Variants in NAA11 observed in about 807,000 individuals in gnomAD.
The protein encoded by NAA11 is N-alpha-acetyltransferase 11.
NAA11 carries 15 observed loss-of-function variants against 16.1 expected under a neutral mutation model. That is an observed-to-expected ratio of 0.93 (90% CI 0.62 to 1.44). The LOEUF is 1.44. NAA11 is among the 40% of genes most tolerant of loss of function. The probability of loss-of-function intolerance (pLI) is 0.00; values close to 1 mark genes in which losing one functional copy is unlikely to be tolerated. For synonymous variants in NAA11, 122 were observed against 112.4 expected, an observed-to-expected ratio of 1.09 and a Z score of -0.54; for missense variants, 298 against 291.3, an observed-to-expected ratio of 1.02 and a Z score of -0.17.
chr4:79,275,142 G>A (rs1424773567), intron 2 of NAA11, among the ~76,000 whole-genome samples: 4 of 146,432 alleles, frequency 2.7e-5, no homozygotes, highest in African/African-American at 1.0e-4. Flanking sequence ...TCTACACAAG[G>A]AGAATACTTA....
chr4:79,265,465 A>T (rs946812989), intron 2 of NAA11, among the ~76,000 whole-genome samples: 2 of 152,126 alleles, frequency 1.3e-5, no homozygotes, highest in East Asian at 3.9e-4. Flanking sequence ...CCCTGGCTCA[A>T]CCTGATCTGG....
chr4:79,187,452 G>A, the NAA11 span, among the ~76,000 whole-genome samples: 4 of 152,124 alleles, frequency 2.6e-5, no homozygotes, highest in African/African-American at 7.2e-5. Context: ...AATTTTACAT[G>A]GAGAAAAGTA....
chr4:79,202,623 TTATATATA>T, the NAA11 span, among the ~76,000 whole-genome samples: 99 of 52,634 alleles, frequency 1.9e-3, 4 homozygotes, highest in East Asian at 0.051. Flanking sequence ...ATATATAGTT[TTATATATA>T]TATATATATA....
intron 2 of NAA11, among the ~76,000 whole-genome samples, chr4:79,286,049 CCTTTGTCCT>C (rs1418363803): frequency 1.1e-4 from 16 of 152,022 alleles, no homozygotes; most frequent in Non-Finnish European, 1.8e-4. Context: ...CAGACATTAA[CCTTTGTCCT>C]CTTTCTATTC....
At chr4:79,211,861 T>C in the NAA11 span, 3 of 152,222 alleles carry the variant, frequency 2.0e-5, no homozygotes, top group African/African-American at 4.8e-5. Flanking sequence ...CATCTTCTTA[T>C]CACCATTTGG....
chr4:79,305,866 A>C (rs1371155903), intron 1 of NAA11, among the ~76,000 whole-genome samples: 2 of 152,120 alleles, frequency 1.3e-5, no homozygotes, highest in Non-Finnish European at 2.9e-5. Flanking sequence ...TAATTTGTAC[A>C]TTTCTCTTAT....
At chr4:79,179,703 A>G in the NAA11 span, among the ~76,000 whole-genome samples, 3 of 152,212 alleles carry the variant, frequency 2.0e-5, no homozygotes, top group African/African-American at 7.2e-5. Flanking sequence ...CTAGGCAGAA[A>G]CCCAATACAA....
intron 2 of NAA11, among the ~76,000 whole-genome samples, chr4:79,292,698 C>T (rs561625634): frequency 4.5e-4 from 69 of 152,306 alleles, no homozygotes; most frequent in African/African-American, 1.6e-3. Context: ...TTGACAAAAT[C>T]TGCTTCTCTG....
chr4:79,309,278 T>G (rs970253739), intron 1 of NAA11, among the ~76,000 whole-genome samples: 15 of 150,512 alleles, frequency 1.0e-4, no homozygotes, highest in African/African-American at 3.4e-4. Flanking sequence ...AGAATTTGCT[T>G]TGCACATGGA....
At chr4:79,206,431 C>G in the NAA11 span, among the ~76,000 whole-genome samples, 2 of 152,070 alleles carry the variant, frequency 1.3e-5, no homozygotes, top group Admixed American at 6.6e-5. Flanking sequence ...AAAATTTATT[C>G]AAAGACCTGT....
At chr4:79,195,228 G>C in the NAA11 span, among the ~76,000 whole-genome samples, 3 of 151,980 alleles carry the variant, frequency 2.0e-5, no homozygotes, top group African/African-American at 7.2e-5. Flanking sequence ...CTACAGAATT[G>C]GAATCTTGAG....
intron 2 of NAA11, among the ~76,000 whole-genome samples, chr4:79,276,424 C>T (rs1722646269): frequency 1.3e-5 from 2 of 152,126 alleles, no homozygotes; most frequent in African/African-American, 2.4e-5. Context: ...TGCTATATCC[C>T]GAAGTTCGCC....
At chr4:79,162,121 A>G in the NAA11 span, among the ~76,000 whole-genome samples, 6 of 152,052 alleles carry the variant, frequency 3.9e-5, no homozygotes, top group Non-Finnish European at 8.8e-5. Flanking sequence ...TTTTATTTTT[A>G]CAATGTTTAT....
At chr4:79,174,040 T>C in the NAA11 span, among the ~76,000 whole-genome samples, 1 of 152,114 alleles carries the variant, frequency 6.6e-6, no homozygotes, top group Admixed American at 6.6e-5. Context: ...TTCACTGACC[T>C]GTCAGTTCAG....
chr4:79,158,037 A>G, the NAA11 span, among the ~76,000 whole-genome samples: 1 of 151,220 alleles, frequency 6.6e-6, no homozygotes, highest in Non-Finnish European at 1.5e-5. Flanking sequence ...AGTAGCTGGG[A>G]CTACAGGTGC....
chr4:79,189,902 G>T, the NAA11 span, among the ~76,000 whole-genome samples: 1 of 152,174 alleles, frequency 6.6e-6, no homozygotes, highest in Non-Finnish European at 1.5e-5. Flanking sequence ...TGAGCTAGGA[G>T]TCTTGATGAG....
chr4:79,176,443 C>A, the NAA11 span, among the ~76,000 whole-genome samples: 1 of 152,070 alleles, frequency 6.6e-6, no homozygotes, highest in African/African-American at 2.4e-5. Context: ...GCGAGGCTGG[C>A]AGGCTGGAGA....
At chr4:79,305,411 A>G (rs781746530) in intron 1 of NAA11, among the ~76,000 whole-genome samples, 1 of 152,208 alleles carries the variant, frequency 6.6e-6, no homozygotes, top group East Asian at 1.9e-4. Flanking sequence ...TCATCAGTTC[A>G]TTTCTGAGAT....
At chr4:79,167,249 AC>A in the NAA11 span, among the ~76,000 whole-genome samples, 1 of 112,120 alleles carries the variant, frequency 8.9e-6, no homozygotes, top group African/African-American at 3.7e-5. Context: ...ACACACACAC[AC>A]CCACATATAT....
Sources: allele counts gnomAD v4.1 joint callset (sites outside exome capture counted in the v4.1 genomes callset), GRCh38; gene constraint gnomAD v4.1.1; transcripts MANE v1.5; gene names NCBI Gene and HGNC (gene_info 2026-07-23, HGNC 2026-07-21).